Variants in CTNND1 observed in about 807,000 individuals in gnomAD.
The protein encoded by CTNND1 is catenin delta 1.
A neutral mutation model predicts 112.1 loss-of-function variants in CTNND1; 16 were observed. That is an observed-to-expected ratio of 0.14 (90% confidence interval 0.10 to 0.22). CTNND1 has a LOEUF of 0.22. Ranked by LOEUF, CTNND1 falls within the 10% of genes least tolerant of loss-of-function variation. CTNND1 has a pLI of 1.00. For missense variants in CTNND1, 1,008 were observed against 1,257.0 expected, an observed-to-expected ratio of 0.80 and a Z score of 3.00; for synonymous variants, 420 against 446.5, an observed-to-expected ratio of 0.94 and a Z score of 0.75.
At chr11:57,763,553 C>G (rs1238713549) in intron 1 of CTNND1, among the ~76,000 whole-genome samples, 1 of 152,092 alleles carries the variant, frequency 6.6e-6, no homozygotes, top group African/African-American at 2.4e-5. Context: ...ACAACCTAGG[C>G]AAAGGCTGCA....
chr11:57,794,215 A>G (rs976985853), intron 4 of CTNND1, 134 bp downstream of exon 4: 41 of 751,240 alleles, frequency 5.5e-5, no homozygotes, highest in Non-Finnish European at 8.6e-5. Flanking sequence ...TTTATTTACG[A>G]AAACAAAGAA....
chr11:57,815,589 G>A (rs1435945139), intron 19 of CTNND1, 89 bp downstream of exon 19: 3 of 1,116,962 alleles, frequency 2.7e-6, no homozygotes, highest in Non-Finnish European at 4.1e-6. Flanking sequence ...AAAGTACAGA[G>A]AAAGATCGCA....
chr11:57,799,805 A>T (rs573864731), intron 6 of CTNND1, among the ~76,000 whole-genome samples: 1 of 152,152 alleles, frequency 6.6e-6, no homozygotes, highest in Non-Finnish European at 1.5e-5. Context: ...AAAACCCAGA[A>T]AAGCATTACC....
At position 57,811,383 on chromosome 11, in the gene CTNND1, TTG is replaced by T. The variant is rs1395500069; in HGVS notation, c.2551-12_2551-11del. ...TCAGTATTCTGTCACATTGTCGCAT[TTG>T]TGTTTGCCTCTAGGTGAATCTAAAC... On this transcript the variant is annotated splice_polypyrimidine_tract_variant and intron_variant, in intron 16 of 20. Coordinates refer to ENST00000399050, the MANE Select transcript of CTNND1 (RefSeq NM_001085458.2). 1 of 1,599,844 alleles carries T rather than the reference TTG, an allele frequency of 6.3e-7. No individual in the cohort carries two copies. The highest frequency in any genetic ancestry group is 8.6e-7 in the Non-Finnish European group (1 of 1,168,160).
chr11:57,782,885 AC>A (rs2059725833), intron 1 of CTNND1, among the ~76,000 whole-genome samples: 1 of 152,246 alleles, frequency 6.6e-6, no homozygotes, highest in Non-Finnish European at 1.5e-5. Context: ...TGAAGTGAGC[AC>A]AGTCCTTTTA....
chr11:57,767,449 T>C (rs1951389952), intron 1 of CTNND1, among the ~76,000 whole-genome samples: 1 of 152,206 alleles, frequency 6.6e-6, no homozygotes, highest in East Asian at 1.9e-4. Context: ...TAGGTATCAT[T>C]TGTTAACATG....
chr11:57,766,292 A>T (rs72929820), intron 1 of CTNND1, among the ~76,000 whole-genome samples: 2 of 152,150 alleles, frequency 1.3e-5, no homozygotes, highest in African/African-American at 4.8e-5. Context: ...TAAAAACGTT[A>T]AGAGCTTGGG....
rs1256321179 is a variant in CTNND1, at chr11:57,818,222, A to T, written c.*1914A>T. On this transcript the variant is annotated 3_prime_UTR_variant, in exon 21 of 21. Transcript: ENST00000399050. ...TCTTTTTTCTCGGTGGGGTGTGGGT[A>T]ATAGAACAGCCGTGGGCTTTTGGGG... 6.8e-6 allele frequency: 1 copy of T among 146,600 alleles called. No individual in the cohort carries two copies. Among genetic ancestry groups the T allele is most frequent in the African/African-American group, 2.5e-5 (1 of 39,374 alleles). The allele number at this position is 146,600 out of a possible 1,614,324, so 9.1% of individuals were successfully genotyped here.
At chr11:57,794,461 C>T (rs1241482226) in intron 4 of CTNND1, among the ~76,000 whole-genome samples, 1 of 152,130 alleles carries the variant, frequency 6.6e-6, no homozygotes, top group Non-Finnish European at 1.5e-5. Context: ...AAAGATGGCT[C>T]TTACTGGGAT....
chr11:57,780,054 G>T (rs957212298), intron 1 of CTNND1, among the ~76,000 whole-genome samples: 7 of 47,424 alleles, frequency 1.5e-4, no homozygotes, highest in Non-Finnish European at 3.0e-4. Flanking sequence ...GAACTAGAAT[G>T]ACTTTTTTTT....
chr11:57,813,378 T>C (rs1252748049), intron 17 of CTNND1, among the ~76,000 whole-genome samples: 1 of 152,212 alleles, frequency 6.6e-6, no homozygotes, highest in Admixed American at 6.5e-5. Flanking sequence ...TAAACAGTGA[T>C]GTTAACGAAT....
chr11:57,784,292 C>G (rs1480440166), intron 1 of CTNND1, among the ~76,000 whole-genome samples: 1 of 150,894 alleles, frequency 6.6e-6, no homozygotes, highest in African/African-American at 2.4e-5. Flanking sequence ...GCCAGTAATC[C>G]CTGCACTTTG....
intron 1 of CTNND1, among the ~76,000 whole-genome samples, chr11:57,765,148 C>T (rs1950747087): frequency 6.6e-6 from 1 of 152,154 alleles, no homozygotes; most frequent in African/African-American, 2.4e-5. Context: ...GATAGGATAT[C>T]ATCAACTTGC....
Position 57,813,070 on chromosome 11 carries a change from C to T in CTNND1, c.2639-1241C>T, listed in dbSNP as rs2063559952. On this transcript the variant is annotated intron_variant, in intron 17 of 20. Coordinates refer to ENST00000399050, the MANE Select transcript of CTNND1 (RefSeq NM_001085458.2). ...TCTAGGCTGAGTGTAGTGTCTCATG[C>T]TTATAATCTCAGTACTTTGGGAGAC... Among the ~76,000 whole-genome samples the T allele has an allele frequency of 3.9e-5, 6 of 152,234 alleles. No individual in the cohort carries two copies. In the South Asian group the frequency reaches 1.2e-3, roughly 32 times the overall value.
intron 17 of CTNND1, chr11:57,813,965 C>A: frequency 5.7e-6 from 1 of 174,586 alleles, no homozygotes; most frequent in Non-Finnish European, 1.2e-5. Flanking sequence ...GTAAAACGGC[C>A]TTGAGACCAA....
chr11:57,815,944 A>G lies in CTNND1; in HGVS notation c.2838A>G (p.Glu946=). 6.2e-7 allele frequency: 1 copy of G among 1,606,514 alleles called. No individual in the cohort carries two copies. Among genetic ancestry groups the G allele is most frequent in the African/African-American group, 1.3e-5 (1 of 74,436 alleles). The change falls in exon 20 of 21, where the codon GAA becomes GAG. Residue 946 remains glutamate, a synonymous_variant. Transcript: ENST00000399050. ...ACGAGGGGCAGGAATCTCTGGAGGA[A>G]GAGTTGGATGTGTTGGTTTTGGATG... ...MQDEGQESLE[E]ELDVLVLDDE...
At chr11:57,798,941 T>C (rs2061682674) in intron 6 of CTNND1, among the ~76,000 whole-genome samples, 3 of 152,220 alleles carry the variant, frequency 2.0e-5, no homozygotes, top group Non-Finnish European at 4.4e-5. Flanking sequence ...AGAGAAATGA[T>C]AAGAAACAAG....
At chr11:57,785,700 C>T (rs2060055395) in intron 1 of CTNND1, among the ~76,000 whole-genome samples, 2 of 152,076 alleles carry the variant, frequency 1.3e-5, no homozygotes, top group South Asian at 4.2e-4. Flanking sequence ...CAGGTGTGCA[C>T]CACCAAGCCT....
At chr11:57,797,549 A>AT (rs78263759) in intron 6 of CTNND1, among the ~76,000 whole-genome samples, 137,823 of 137,828 alleles carry the variant, frequency 1, 68,909 homozygotes, top group Middle Eastern at 1. Context: ...GTTTTCTATA[A>AT]TTGAATATAT....
Sources: allele counts gnomAD v4.1 joint callset (sites outside exome capture counted in the v4.1 genomes callset), GRCh38; gene constraint gnomAD v4.1.1; transcripts MANE v1.5; gene names NCBI Gene and HGNC (gene_info 2026-07-23, HGNC 2026-07-21).